The following SCFD2 variants were observed in gnomAD, a reference collection of about 807,000 sequenced individuals.
SCFD2 encodes the protein sec1 family domain containing 2.
SCFD2 carries 54 observed loss-of-function variants against 58.9 expected under a neutral mutation model. The observed-to-expected ratio is 0.92, with a 90% CI of 0.74 to 1.15. The LOEUF (loss-of-function observed/expected upper bound fraction) is 1.15. Ranked by LOEUF, SCFD2 falls within the 50% of genes most tolerant of loss-of-function variation. SCFD2 has a pLI of 0.00. For missense variants in SCFD2, 805 were observed against 836.6 expected, an observed-to-expected ratio of 0.96 and a Z score of 0.47; for synonymous variants, 321 against 335.9, an observed-to-expected ratio of 0.96 and a Z score of 0.49.
chr4:53,357,258 C>T (rs1208299438), intron 1 of SCFD2, among the ~76,000 whole-genome samples: 1 of 151,656 alleles, frequency 6.6e-6, no homozygotes, highest in African/African-American at 2.4e-5. Context: ...CCCATCTCTA[C>T]TAAAAAATAT....
In SCFD2 at chr4:53,145,597, G is replaced by T; in HGVS notation, c.1312-15C>A. The T allele has an allele frequency of 1.2e-6, 2 of 1,604,112 alleles. No individual in the cohort carries two copies. The highest frequency in any genetic ancestry group is 1.7e-6 in the Non-Finnish European group (2 of 1,175,624). Reference sequence around the variant, plus strand: ...TCCCCAATGCTCTAAAATAAAAAATGATATGAAAATATGTCAATCTTGTAT... The same window carrying T: ...TCCCCAATGCTCTAAAATAAAAAATTATATGAAAATATGTCAATCTTGTAT... On this transcript the variant is annotated splice_polypyrimidine_tract_variant and intron_variant, in intron 4 of 8. Transcript: ENST00000401642.
intron 4 of SCFD2, among the ~76,000 whole-genome samples, chr4:53,267,231 G>C (rs969088103): frequency 6.6e-6 from 1 of 152,126 alleles, no homozygotes; most frequent in African/African-American, 2.4e-5. Flanking sequence ...AACATTAGCT[G>C]AAATTTCTTG....
intron 5 of SCFD2, among the ~76,000 whole-genome samples, chr4:52,973,323 A>G (rs1463166701): frequency 2.0e-5 from 3 of 152,224 alleles, no homozygotes; most frequent in African/African-American, 4.8e-5. Flanking sequence ...ACAATAAAAA[A>G]TGATAAAGGG....
chr4:52,945,531 T>G (rs1002492887), intron 5 of SCFD2: 1 of 152,222 alleles, frequency 6.6e-6, no homozygotes, highest in African/African-American at 2.4e-5. Flanking sequence ...TTACAGATGT[T>G]TCTTTTTACA....
intron 5 of SCFD2, among the ~76,000 whole-genome samples, chr4:52,975,917 G>A (rs893630745): frequency 1.3e-4 from 20 of 150,392 alleles, no homozygotes; most frequent in Non-Finnish European, 2.2e-4. Context: ...GCAAACTATC[G>A]CAAGGACAAA....
intron 5 of SCFD2, among the ~76,000 whole-genome samples, chr4:53,086,660 GC>G (rs758548818): frequency 1.9e-4 from 29 of 152,294 alleles, no homozygotes; most frequent in Admixed American, 4.6e-4. Context: ...ACTGGATAAA[GC>G]AAATGTGGCA....
chr4:53,267,076 T>C (rs1257544598), intron 4 of SCFD2, among the ~76,000 whole-genome samples: 1 of 152,224 alleles, frequency 6.6e-6, no homozygotes, highest in African/African-American at 2.4e-5. Context: ...CTATTTTTAA[T>C]TGTAGATTTC....
At chr4:53,276,042 G>GTGTA (rs1014638698) in intron 3 of SCFD2, among the ~76,000 whole-genome samples, 2 of 151,774 alleles carry the variant, frequency 1.3e-5, no homozygotes, top group African/African-American at 4.8e-5. Context: ...GTGTGTGTGT[G>GTGTA]TATACATATG....
At chr4:53,133,056 C>T (rs1480375970) in intron 5 of SCFD2, among the ~76,000 whole-genome samples, 1 of 152,030 alleles carries the variant, frequency 6.6e-6, no homozygotes, top group Non-Finnish European at 1.5e-5. Flanking sequence ...AGGCCGGGTG[C>T]GGTGGCTCAT....
At chr4:52,900,141 C>T (rs917602492) in intron 7 of SCFD2, among the ~76,000 whole-genome samples, 6 of 152,186 alleles carry the variant, frequency 3.9e-5, no homozygotes, top group African/African-American at 9.7e-5. Context: ...CAGCCTTCCT[C>T]TCTCAACTCG....
chr4:53,027,253 ACTT>A (rs1258392402), intron 5 of SCFD2, among the ~76,000 whole-genome samples: 2 of 143,958 alleles, frequency 1.4e-5, no homozygotes, highest in Admixed American at 6.9e-5. Flanking sequence ...AGCCCCACAC[ACTT>A]CTTTTTTTTT....
intron 4 of SCFD2, among the ~76,000 whole-genome samples, chr4:53,148,403 A>G (rs1458741295): frequency 6.6e-6 from 1 of 152,168 alleles, no homozygotes; most frequent in Non-Finnish European, 1.5e-5. Context: ...CATCCCACGA[A>G]GCCTATAACT....
At chr4:53,074,709 G>C (rs1723920069) in intron 5 of SCFD2, among the ~76,000 whole-genome samples, 1 of 152,036 alleles carries the variant, frequency 6.6e-6, no homozygotes, top group African/African-American at 2.4e-5. Context: ...TTGTTAATAA[G>C]CAGAAAAAAG....
chr4:53,242,451 C>G (rs759994694), intron 4 of SCFD2, among the ~76,000 whole-genome samples: 18 of 127,652 alleles, frequency 1.4e-4, no homozygotes, highest in Non-Finnish European at 2.8e-4. Flanking sequence ...CCCAAGGTCA[C>G]CAAATAGGAT....
At chr4:53,296,534 CTTT>C (rs1474375813) in intron 3 of SCFD2, among the ~76,000 whole-genome samples, 1 of 152,038 alleles carries the variant, frequency 6.6e-6, no homozygotes, top group Non-Finnish European at 1.5e-5. Flanking sequence ...CTCTTTTCTT[CTTT>C]GTTAGTCTGC....
chr4:53,283,302 G>A (rs1022282110), intron 3 of SCFD2, among the ~76,000 whole-genome samples: 1 of 151,900 alleles, frequency 6.6e-6, no homozygotes, highest in Non-Finnish European at 1.5e-5. Context: ...CTCATTTTTT[G>A]TTGTTTCTGT....
chr4:53,103,834 A>T (rs1346625886), intron 5 of SCFD2, among the ~76,000 whole-genome samples: 1 of 146,332 alleles, frequency 6.8e-6, no homozygotes, highest in Non-Finnish European at 1.5e-5. Flanking sequence ...AAATGCCGTA[A>T]GGGTTGACAA....
chr4:53,156,591 G>C (rs1356186824), intron 4 of SCFD2, among the ~76,000 whole-genome samples: 1 of 151,698 alleles, frequency 6.6e-6, no homozygotes, highest in South Asian at 2.1e-4. Context: ...CCAGCTACTT[G>C]GGAGCCTGAG....
intron 3 of SCFD2, among the ~76,000 whole-genome samples, chr4:53,301,171 T>C (rs1466039590): frequency 6.6e-6 from 1 of 152,052 alleles, no homozygotes; most frequent in East Asian, 1.9e-4. Flanking sequence ...GCTGGTTTTT[T>C]GAAAAGATCA....
Sources: gnomAD v4.1 joint callset for allele counts (sites outside exome capture counted in the v4.1 genomes callset) on GRCh38, gnomAD v4.1.1 for gene constraint, MANE v1.5 for transcripts, NCBI Gene and HGNC (gene_info 2026-07-23, HGNC 2026-07-21) for gene names.